MAPK9: variants seen among roughly 807,000 people sequenced by gnomAD.
The protein encoded by MAPK9 is Jun kinase.
In MAPK9, 30 loss-of-function variants were observed where a neutral mutation model predicts 57.1. The ratio of observed to expected loss-of-function variants is 0.53; its 90% CI spans 0.39 to 0.71. The LOEUF is 0.71. Ranked by LOEUF, MAPK9 falls within the 30% of genes least tolerant of loss-of-function variation. MAPK9 has a pLI of 0.00. For synonymous variants in MAPK9, 155 were observed against 177.0 expected, an observed-to-expected ratio of 0.88 and a Z score of 0.99; for missense variants, 362 against 521.0, an observed-to-expected ratio of 0.69 and a Z score of 2.97.
chr5:180,249,015 G>A lies in MAPK9; in HGVS notation c.574C>T (p.Arg192Trp), dbSNP rs771416686. 6.2e-6 allele frequency: 10 copies of A among 1,613,658 alleles called. No individual in the cohort carries two copies. Among genetic ancestry groups the A allele is most frequent in the Middle Eastern group, 1.6e-4 (1 of 6,080 alleles). Residue 192 changes from arginine to tryptophan, a missense_variant, in exon 6 of 12, where the codon CGG (arginine) becomes TGG (tryptophan). Arg to Trp is a moderately radical substitution (Grantham distance 101). Coordinates refer to ENST00000452135, the MANE Select transcript of MAPK9 (RefSeq NM_002752.5). The stretch of plus-strand genomic sequence containing the variant: ...ATACCCAGGATGACTTCGGGCGCCC[G>A]GTAGTACCGTGTCACCACGTAAGGG... ...MTPYVVTRYYRAPEVILGMGY... is the reference protein window; with the variant it reads ...MTPYVVTRYYWAPEVILGMGY...
At chr5:180,287,846 A>G (rs1282326548) in intron 1 of MAPK9, among the ~76,000 whole-genome samples, 1 of 152,168 alleles carries the variant, frequency 6.6e-6, no homozygotes, top group African/African-American at 2.4e-5. Flanking sequence ...CTACTCTGTA[A>G]GGGCAGAAAA....
chr5:180,254,494 C>T (rs1331380106), intron 5 of MAPK9, among the ~76,000 whole-genome samples: 4 of 152,250 alleles, frequency 2.6e-5, no homozygotes, highest in Admixed American at 2.6e-4. Flanking sequence ...TGTCAATTAA[C>T]TCGTGCTTCA....
At chr5:180,283,594 G>A (rs1581317503) in intron 1 of MAPK9, among the ~76,000 whole-genome samples, 1 of 152,242 alleles carries the variant, frequency 6.6e-6, no homozygotes, top group East Asian at 1.9e-4. Flanking sequence ...TTTAAATTTG[G>A]GGAGTATATT....
intron 7 of MAPK9, among the ~76,000 whole-genome samples, chr5:180,243,065 T>C (rs1757787138): frequency 6.6e-6 from 1 of 152,194 alleles, no homozygotes; most frequent in African/African-American, 2.4e-5. Flanking sequence ...CAAAAATGAT[T>C]AAACACGAAA....
chr5:180,288,723 C>T (rs975301212), intron 1 of MAPK9, among the ~76,000 whole-genome samples: 2 of 152,220 alleles, frequency 1.3e-5, no homozygotes, highest in African/African-American at 4.8e-5. Flanking sequence ...CTTTACCAAA[C>T]ATTTACTGGG....
intron 5 of MAPK9, among the ~76,000 whole-genome samples, chr5:180,251,186 C>T (rs1758651399): frequency 6.6e-6 from 1 of 152,130 alleles, no homozygotes; most frequent in African/African-American, 2.4e-5. Context: ...AGAGGGTGTG[C>T]AGTGGGCACT....
intron 1 of MAPK9, among the ~76,000 whole-genome samples, chr5:180,288,044 T>C (rs1333106860): frequency 6.6e-6 from 1 of 152,146 alleles, no homozygotes; most frequent in Non-Finnish European, 1.5e-5. Context: ...AGCAAGCGAT[T>C]GCACTCATCT....
chr5:180,240,673 G>A (rs1047532121), intron 9 of MAPK9, among the ~76,000 whole-genome samples: 4 of 152,206 alleles, frequency 2.6e-5, no homozygotes, highest in Non-Finnish European at 4.4e-5. Context: ...ATAAACAGAC[G>A]TGTGATTTTT....
At chr5:180,252,607 C>T (rs530039884) in intron 5 of MAPK9, among the ~76,000 whole-genome samples, 3 of 152,276 alleles carry the variant, frequency 2.0e-5, no homozygotes, top group East Asian at 3.9e-4. Context: ...ACGACTCTTA[C>T]TCACAGGCCA....
rs945919055 is a variant in MAPK9 at position 180,292,043 on chromosome 5, G to A, written c.-243C>T. 1.3e-5 allele frequency: 2 copies of A among 155,170 alleles called. No individual in the cohort carries two copies. Among genetic ancestry groups the A allele is most frequent in the Middle Eastern group, 3.2e-3 (1 of 308 alleles). The allele number at this position is 155,170 out of a possible 1,614,324, so 9.6% of individuals were successfully genotyped here. A position where few individuals can be genotyped will look rare whatever the true frequency, so the allele number is the denominator to read the frequency against. The stretch of plus-strand genomic sequence containing the variant: ...GGGGCGCTGCGACCCTTCCGGTCCC[G>A]CTCCCTTCTCCGCCGCTGCCGCCGC... On this transcript the variant is annotated 5_prime_UTR_variant, in exon 1 of 12. Coordinates refer to ENST00000452135, the MANE Select transcript of MAPK9 (RefSeq NM_002752.5).
At chr5:180,255,138 A>ATTCT (rs888881839) in intron 5 of MAPK9, among the ~76,000 whole-genome samples, 1 of 151,886 alleles carries the variant, frequency 6.6e-6, no homozygotes, top group Non-Finnish European at 1.5e-5. Context: ...GTAACTAAGA[A>ATTCT]TTCTACACAC....
intron 4 of MAPK9, among the ~76,000 whole-genome samples, chr5:180,263,706 CT>C (rs61215315): frequency 1.2e-4 from 15 of 127,240 alleles, no homozygotes; most frequent in South Asian, 2.5e-4. Flanking sequence ...GCACCAAATT[CT>C]TTTTTTTTTT....
At chr5:180,278,441 C>A (rs1762018210) in intron 2 of MAPK9, among the ~76,000 whole-genome samples, 1 of 152,342 alleles carries the variant, frequency 6.6e-6, no homozygotes, top group South Asian at 2.1e-4. Context: ...GTGGCTCATG[C>A]CTGTAATCCC....
intron 7 of MAPK9, among the ~76,000 whole-genome samples, chr5:180,243,537 C>A (rs1432865723): frequency 1.3e-5 from 2 of 152,070 alleles, no homozygotes; most frequent in African/African-American, 4.8e-5. Flanking sequence ...ACTCGCTATA[C>A]AAGAGAATGC....
At chr5:180,288,475 TTAC>T (rs1208734851) in intron 1 of MAPK9, among the ~76,000 whole-genome samples, 1 of 152,250 alleles carries the variant, frequency 6.6e-6, no homozygotes, top group African/African-American at 2.4e-5. Context: ...TAAGCAATTA[TTAC>T]TTTTTCAACT....
intron 5 of MAPK9, among the ~76,000 whole-genome samples, chr5:180,249,662 G>A (rs1180819114): frequency 2.0e-5 from 3 of 152,184 alleles, no homozygotes; most frequent in Admixed American, 1.3e-4. Context: ...CATATAATGC[G>A]AACGATGTGT....
intron 7 of MAPK9, among the ~76,000 whole-genome samples, chr5:180,243,516 A>G (rs4601008): frequency 0.14 from 20,591 of 152,186 alleles, 1,503 homozygotes; most frequent in South Asian, 0.19. Flanking sequence ...GGAAAGTGAC[A>G]CTGAAACTGT....
At chr5:180,260,967 G>A (rs1385759001) in intron 5 of MAPK9, among the ~76,000 whole-genome samples, 2 of 151,792 alleles carry the variant, frequency 1.3e-5, no homozygotes, top group South Asian at 4.2e-4. Flanking sequence ...TATCATGATA[G>A]TCTGCTTACA....
At position 180,236,187 on chromosome 5, in the gene MAPK9, T is replaced by G. The variant is rs547453030; in HGVS notation, c.*197A>C. 5.6e-5 allele frequency: 27 copies of G among 481,120 alleles called. 1 individual carries two copies. Among genetic ancestry groups the G allele is most frequent in the Middle Eastern group, 5.5e-4 (1 of 1,802 alleles). 29.8% of individuals were successfully genotyped at this position (481,120 alleles called of 1,614,324 possible). On this transcript the variant is annotated 3_prime_UTR_variant, in exon 12 of 12. Transcript: ENST00000452135. ...AAATCTCTAGAAGTGTGGCTTGCAA[T>G]TTTTTTCTTCAGACATATTCTGCCT...
Sources: allele counts gnomAD v4.1 joint callset (sites outside exome capture counted in the v4.1 genomes callset), GRCh38; gene constraint gnomAD v4.1.1; transcripts MANE v1.5; gene names NCBI Gene and HGNC (gene_info 2026-07-23, HGNC 2026-07-21).